ZFAND3: variants seen among roughly 807,000 people sequenced by gnomAD.
ZFAND3 encodes zinc finger AN1-type containing 3, also known as AN1-type zinc finger protein 3.
A neutral mutation model predicts 29.6 loss-of-function variants in ZFAND3; 10 were observed. The ratio of observed to expected loss-of-function variants is 0.34; its 90% CI spans 0.21 to 0.57. ZFAND3 has a LOEUF of 0.57. Ranked by LOEUF, ZFAND3 falls within the 20% of genes least tolerant of loss-of-function variation. The pLI is 0.86. For missense variants in ZFAND3, 230 were observed against 304.5 expected (o/e 0.76, Z 1.82); for synonymous variants, 128 against 112.6 (o/e 1.14, Z -0.87).
chr6:38,061,919 T>G (rs1277660330), intron 3 of ZFAND3, 144 bp downstream of exon 3: 7 of 1,007,210 alleles, frequency 6.9e-6, no homozygotes, highest in East Asian at 2.6e-5. Context: ...GCTCAGCAAG[T>G]TAGAGAATAA....
chr6:38,111,337 C>G (rs1171002624), intron 4 of ZFAND3, among the ~76,000 whole-genome samples: 1 of 152,114 alleles, frequency 6.6e-6, no homozygotes, highest in Non-Finnish European at 1.5e-5. Context: ...GTTTTTTTGT[C>G]ATTATTCCCT....
At chr6:37,900,602 T>C (rs1765301399) in intron 1 of ZFAND3, among the ~76,000 whole-genome samples, 1 of 152,206 alleles carries the variant, frequency 6.6e-6, no homozygotes, top group Non-Finnish European at 1.5e-5. Context: ...TTGTAAAGAA[T>C]ACATTACTTG....
chr6:37,834,135 C>T (rs547517488), intron 1 of ZFAND3, among the ~76,000 whole-genome samples: 284 of 152,220 alleles, frequency 1.9e-3, no homozygotes, highest in African/African-American at 5.4e-3. Context: ...ATTTCACTGC[C>T]GTAAAAACCC....
At chr6:38,055,458 A>C (rs1764116357) in intron 2 of ZFAND3, among the ~76,000 whole-genome samples, 2 of 152,254 alleles carry the variant, frequency 1.3e-5, no homozygotes, top group Non-Finnish European at 2.9e-5. Flanking sequence ...GCTGAGTCTC[A>C]AACCCTAGCT....
At chr6:38,057,083 G>A (rs1764146451) in intron 2 of ZFAND3, among the ~76,000 whole-genome samples, 1 of 152,040 alleles carries the variant, frequency 6.6e-6, no homozygotes. Context: ...TTAGAGAGGT[G>A]GGTAAGCTTG....
intron 2 of ZFAND3, among the ~76,000 whole-genome samples, chr6:37,936,270 T>C (rs1330708343): frequency 1.3e-5 from 2 of 152,184 alleles, no homozygotes; most frequent in African/African-American, 4.8e-5. Flanking sequence ...ACACCATCTC[T>C]ATCCCCCACA....
At chr6:38,124,389 TA>T (rs1227723144) in intron 5 of ZFAND3, among the ~76,000 whole-genome samples, 1 of 152,146 alleles carries the variant, frequency 6.6e-6, no homozygotes, top group Non-Finnish European at 1.5e-5. Flanking sequence ...GCGGCGCTCC[TA>T]GGGGAGGCTC....
rs56346832 is a variant in ZFAND3, at chr6:38,103,394, C to T, written c.362-13178C>T. On this transcript the variant is annotated intron_variant, in intron 4 of 5. Coordinates refer to ENST00000287218, the MANE Select transcript of ZFAND3 (RefSeq NM_021943.3). ...CACACAATATATATATACACACACA[C>T]ATATATATACACACACACGTATATA... Among the ~76,000 whole-genome samples the T allele has an allele frequency of 0.017, 2,343 of 138,048 alleles. 196 individuals are homozygous for T. The East Asian group carries it at 0.26, about 16-fold the overall frequency. 90.6% of individuals were successfully genotyped at this position (138,048 alleles called of 152,430 possible).
At chr6:37,900,052 C>G (rs950931511) in intron 1 of ZFAND3, among the ~76,000 whole-genome samples, 1 of 151,998 alleles carries the variant, frequency 6.6e-6, no homozygotes, top group African/African-American at 2.4e-5. Flanking sequence ...TAGAATTATT[C>G]TTTTGGGTAG....
At chr6:37,899,475 G>A (rs929508651) in intron 1 of ZFAND3, among the ~76,000 whole-genome samples, 1 of 152,066 alleles carries the variant, frequency 6.6e-6, no homozygotes, top group African/African-American at 2.4e-5. Flanking sequence ...TGCCCAGCCT[G>A]TTCATTTTTG....
At chr6:38,137,966 A>G (rs530836936) in intron 5 of ZFAND3, among the ~76,000 whole-genome samples, 1 of 152,222 alleles carries the variant, frequency 6.6e-6, no homozygotes, top group East Asian at 1.9e-4. Context: ...ACATAGTGAG[A>G]AGGCATTGAA....
intron 2 of ZFAND3, among the ~76,000 whole-genome samples, chr6:38,058,682 T>G (rs1380189967): frequency 1.3e-5 from 2 of 152,192 alleles, no homozygotes; most frequent in Admixed American, 1.3e-4. Flanking sequence ...TGCCACATCC[T>G]GTGGTTGTGA....
At chr6:37,831,271 T>G (rs773764946) in intron 1 of ZFAND3, among the ~76,000 whole-genome samples, 1 of 152,234 alleles carries the variant, frequency 6.6e-6, no homozygotes, top group African/African-American at 2.4e-5. Context: ...GATGGCAGAT[T>G]AGTAAATACA....
At chr6:37,832,699 G>A (rs939426478) in intron 1 of ZFAND3, among the ~76,000 whole-genome samples, 1 of 151,884 alleles carries the variant, frequency 6.6e-6, no homozygotes, top group East Asian at 1.9e-4. Context: ...TCCTCGACAG[G>A]GTCTCGCTCT....
intron 1 of ZFAND3, among the ~76,000 whole-genome samples, chr6:37,866,763 T>C (rs1764597949): frequency 6.6e-6 from 1 of 151,970 alleles, no homozygotes; most frequent in African/African-American, 2.4e-5. Flanking sequence ...AGAAAAGAGG[T>C]TCTTATTTTT....
At chr6:37,928,522 A>T (rs1761530645) in intron 1 of ZFAND3, among the ~76,000 whole-genome samples, 3 of 151,946 alleles carry the variant, frequency 2.0e-5, no homozygotes, top group Non-Finnish European at 4.4e-5. Flanking sequence ...ATTATTATTT[A>T]TTATTACTAT....
intron 5 of ZFAND3, among the ~76,000 whole-genome samples, chr6:38,140,552 C>T (rs937827658): frequency 1.3e-5 from 2 of 152,090 alleles, no homozygotes; most frequent in African/African-American, 2.4e-5. Flanking sequence ...TGCAGTGGCT[C>T]AATAATGGCT....
chr6:38,060,272 T>G (rs1020820565), intron 2 of ZFAND3, among the ~76,000 whole-genome samples: 1 of 152,222 alleles, frequency 6.6e-6, no homozygotes, highest in African/African-American at 2.4e-5. Flanking sequence ...TTTACTATTT[T>G]ATAATGATCC....
At chr6:38,132,235 G>A (rs192537805) in intron 5 of ZFAND3, among the ~76,000 whole-genome samples, 2 of 152,270 alleles carry the variant, frequency 1.3e-5, no homozygotes, top group Admixed American at 1.3e-4. Flanking sequence ...CTGTGGGCTG[G>A]GTGCGGTGGC....
Sources: allele counts gnomAD v4.1 joint callset (sites outside exome capture counted in the v4.1 genomes callset), GRCh38; gene constraint gnomAD v4.1.1; transcripts MANE v1.5; gene names NCBI Gene and HGNC (gene_info 2026-07-23, HGNC 2026-07-21).